GLCE: variants seen among roughly 807,000 people sequenced by gnomAD.
GLCE encodes the protein glucuronic acid epimerase.
GLCE carries 19 observed loss-of-function variants against 47.9 expected under a neutral mutation model. That is an observed-to-expected ratio of 0.40 (90% confidence interval 0.28 to 0.58). The LOEUF (loss-of-function observed/expected upper bound fraction) is 0.58, where lower values mean the gene tolerates loss of function less well. GLCE is among the 20% of genes least tolerant of loss of function. GLCE has a pLI of 0.48. For missense variants in GLCE, 556 were observed against 743.3 expected, an observed-to-expected ratio of 0.75 and a Z score of 2.93; for synonymous variants, 245 against 263.4, an observed-to-expected ratio of 0.93 and a Z score of 0.68.
intron 2 of GLCE, among the ~76,000 whole-genome samples, chr15:69,239,535 C>T (rs181097358): frequency 2.2e-4 from 34 of 152,238 alleles, no homozygotes; most frequent in African/African-American, 7.7e-4. Flanking sequence ...GTGGTACAAG[C>T]ATCTGACTCC....
intron 2 of GLCE, among the ~76,000 whole-genome samples, chr15:69,238,770 T>C (rs1307721384): frequency 6.6e-6 from 1 of 152,160 alleles, no homozygotes; most frequent in Admixed American, 6.5e-5. Context: ...ATTATAAACA[T>C]GGCGACAAAA....
At chr15:69,177,359 G>A (rs1051440847) in intron 1 of GLCE, among the ~76,000 whole-genome samples, 8 of 152,028 alleles carry the variant, frequency 5.3e-5, no homozygotes, top group African/African-American at 1.9e-4. Context: ...CACTGCACCC[G>A]GCCTTGCTTG....
At chr15:69,191,207 A>G (rs546688134) in intron 1 of GLCE, among the ~76,000 whole-genome samples, 1 of 152,088 alleles carries the variant, frequency 6.6e-6, no homozygotes, top group Non-Finnish European at 1.5e-5. Flanking sequence ...TCTGCAAAAA[A>G]TCTTTCTCAA....
chr15:69,231,328 G>A (rs2052517973), intron 2 of GLCE, among the ~76,000 whole-genome samples: 2 of 149,126 alleles, frequency 1.3e-5, no homozygotes, highest in Non-Finnish European at 3.0e-5. Context: ...CTGTCGCCCA[G>A]GCTGGAGTGC....
intron 2 of GLCE, among the ~76,000 whole-genome samples, chr15:69,216,600 G>A (rs988354157): frequency 2.6e-5 from 4 of 151,894 alleles, no homozygotes; most frequent in Non-Finnish European, 5.9e-5. Context: ...GAATATGTGC[G>A]GGGATGCCAT....
At position 69,256,175 on chromosome 15, in the gene GLCE, G is replaced by A. The variant is rs768317385; in HGVS notation, c.369G>A (p.Gly123=). 19 of 1,614,032 alleles carry A rather than the reference G, an allele frequency of 1.2e-5. No individual in the cohort carries two copies. Among genetic ancestry groups the A allele is most frequent in the South Asian group, 9.9e-5 (9 of 91,072 alleles). The change falls in exon 3 of 5, where the codon GGG becomes GGA. Residue 123 remains glycine, a synonymous_variant. Coordinates refer to ENST00000261858, the MANE Select transcript of GLCE (RefSeq NM_015554.3). ...DEHTIKGRRE[G]NEVFLPFTWV... ...ACACAATTAAAGGGAGACGAGAGGG[G>A]AACGAAGTCTTTCTTCCATTCACTT...
chr15:69,226,704 C>A (rs148653281), intron 2 of GLCE, among the ~76,000 whole-genome samples: 1 of 137,962 alleles, frequency 7.2e-6, no homozygotes, highest in Non-Finnish European at 1.5e-5. Flanking sequence ...GATTTCATAT[C>A]TTCAGCCAGA....
intron 2 of GLCE, 38 bp downstream of exon 2, chr15:69,210,444 G>A (rs1273794525): frequency 2.0e-5 from 3 of 152,010 alleles, no homozygotes; most frequent in Non-Finnish European, 4.4e-5. Context: ...TACCTTTACT[G>A]TACGTTTTCA....
intron 3 of GLCE, 55 bp from the exon 4 acceptor site, chr15:69,261,032 G>A: frequency 6.5e-7 from 1 of 1,527,326 alleles, no homozygotes; most frequent in Non-Finnish European, 9.0e-7. Context: ...ATGGTATTAG[G>A]AATAGGCTTG....
chr15:69,241,220 T>C (rs972971301), intron 2 of GLCE, among the ~76,000 whole-genome samples: 2 of 152,174 alleles, frequency 1.3e-5, no homozygotes, highest in African/African-American at 4.8e-5. Flanking sequence ...CATTAAACAG[T>C]TGAGCAGTGT....
chr15:69,232,858 G>A (rs1210415514), intron 2 of GLCE, among the ~76,000 whole-genome samples: 1 of 152,164 alleles, frequency 6.6e-6, no homozygotes, highest in Non-Finnish European at 1.5e-5. Context: ...GCAAGGACCT[G>A]TAAGACATTT....
At chr15:69,214,801 A>G (rs1158859211) in intron 2 of GLCE, among the ~76,000 whole-genome samples, 1 of 152,116 alleles carries the variant, frequency 6.6e-6, no homozygotes, top group East Asian at 1.9e-4. Context: ...TCTACACTAT[A>G]TTTATGTATT....
chr15:69,170,455 C>T (rs1242443098), intron 1 of GLCE, among the ~76,000 whole-genome samples: 1 of 152,008 alleles, frequency 6.6e-6, no homozygotes, highest in Non-Finnish European at 1.5e-5. Context: ...CCATTGTTAA[C>T]AGTTTTTTAT....
chr15:69,197,160 G>T, intron 1 of GLCE: 1 of 397,854 alleles, frequency 2.5e-6, no homozygotes, highest in South Asian at 2.0e-5. Context: ...AACAATGCCT[G>T]ACAATGCGTC....
chr15:69,269,294 A>G lies in GLCE; in HGVS notation c.*50A>G, dbSNP rs754556067. 9.6e-6 allele frequency: 14 copies of G among 1,453,648 alleles called. No individual in the cohort carries two copies. Among genetic ancestry groups the G allele is most frequent in the Non-Finnish European group, 1.2e-5 (13 of 1,044,858 alleles). The allele number at this position is 1,453,648 out of a possible 1,614,324, so 90.0% of individuals were successfully genotyped here. ...AGCCTCTGCTGTACACAGAAACTAC[A>G]GGCTCTGTCTCAGGAGAGCATAGGC... On this transcript the variant is annotated 3_prime_UTR_variant, in exon 5 of 5. Transcript: ENST00000261858.
At chr15:69,205,607 T>C (rs1168322061) in intron 1 of GLCE, among the ~76,000 whole-genome samples, 2 of 152,112 alleles carry the variant, frequency 1.3e-5, no homozygotes, top group Non-Finnish European at 2.9e-5. Flanking sequence ...TGTATTTCCA[T>C]CAGCAATGTA....
chr15:69,270,149 T>C lies in GLCE; in HGVS notation c.*905T>C, dbSNP rs1256986816. ...AAATCTAAATTTGGAAAGGAGCTAG[T>C]AGCTTTAAGGCCACCACCATATTTT... On this transcript the variant is annotated 3_prime_UTR_variant, in exon 5 of 5. Coordinates refer to ENST00000261858, the MANE Select transcript of GLCE (RefSeq NM_015554.3). The C allele has an allele frequency of 6.6e-6, 1 of 152,228 alleles. No homozygotes were observed. The highest frequency in any genetic ancestry group is 1.5e-5 in the Non-Finnish European group (1 of 68,024). The allele number at this position is 152,228 out of a possible 1,614,324, so 9.4% of individuals were successfully genotyped here.
rs973572439 is a variant in GLCE, at chr15:69,270,319, T to G, written c.*1075T>G. 1 of 151,152 alleles carries G rather than the reference T, an allele frequency of 6.6e-6. No homozygotes were observed. The highest frequency in any genetic ancestry group is 1.9e-4 in the East Asian group (1 of 5,168). The allele number at this position is 151,152 out of a possible 1,614,324, so 9.4% of individuals were successfully genotyped here. ...TAGTAAGTCTGTGCATCATTGGGTGTTTTTTTTTAATTTAATTTTAAATTA... is the reference window on the plus strand; with the variant it reads ...TAGTAAGTCTGTGCATCATTGGGTGGTTTTTTTTAATTTAATTTTAAATTA... On this transcript the variant is annotated 3_prime_UTR_variant, in exon 5 of 5. Transcript: ENST00000261858.
At chr15:69,222,893 C>T (rs889407764) in intron 2 of GLCE, among the ~76,000 whole-genome samples, 3 of 152,066 alleles carry the variant, frequency 2.0e-5, no homozygotes, top group Non-Finnish European at 4.4e-5. Flanking sequence ...TTGTGGTTAC[C>T]ATGGGATTAC....
Sources: allele counts gnomAD v4.1 joint callset (sites outside exome capture counted in the v4.1 genomes callset), GRCh38; gene constraint gnomAD v4.1.1; transcripts MANE v1.5; gene names NCBI Gene and HGNC (gene_info 2026-07-23, HGNC 2026-07-21).